The following KBTBD11 variants were observed in gnomAD, a reference collection of about 807,000 sequenced individuals.
The protein encoded by KBTBD11 is kelch repeat and BTB domain-containing protein 11.
For missense variants in KBTBD11, 1,390 were observed against 1,001.8 expected (o/e 1.39, Z -5.23); for synonymous variants, 747 against 499.0 (o/e 1.50, Z -6.63).
chr8:1,997,875 G>A lies in KBTBD11; in HGVS notation c.-908-2410G>A, dbSNP rs778467010. Among the ~76,000 whole-genome samples the A allele has an allele frequency of 2.6e-5, 4 of 152,234 alleles. No homozygotes were observed. The South Asian group carries it at 6.2e-4, about 24-fold the overall frequency. On this transcript the variant is annotated intron_variant, in intron 1 of 1. Transcript: ENST00000320248. ...GGGCACGCAGGGGGACGGCGGCAAC[G>A]ACAGAATACGATAGGGCCACCACCT...
chr8:1,974,662 C>A, intron 1 of KBTBD11: 1 of 985,400 alleles, frequency 1.0e-6, no homozygotes. Context: ...GCAGCCCCCG[C>A]CCCATGTGCT....
Position 2,002,659 on chromosome 8 carries a change from C to T in KBTBD11, c.1467C>T (p.Arg489=), listed in dbSNP as rs1355184955. The change falls in exon 2 of 2, where the codon CGC becomes CGT. Residue 489 remains arginine (R), a synonymous_variant. Transcript: ENST00000320248. This position sits in a 1 kb window ranked among gnomAD's most constrained non-coding sequence, Gnocchi z 4.1. ...EWQECPCSSS[R]ERSADMVALD... is the part of the protein sequence containing the mutation. ...AGGAGTGCCCGTGCAGCAGCAGCCGCGAGCGCTCGGCCGACATGGTGGCTC... is the reference window on the plus strand; with the variant it reads ...AGGAGTGCCCGTGCAGCAGCAGCCGTGAGCGCTCGGCCGACATGGTGGCTC... 5 of 1,574,310 alleles carry T rather than the reference C, an allele frequency of 3.2e-6. No homozygotes were observed. The Admixed American group carries it at 5.3e-5, about 17-fold the overall frequency.
At chr8:1,993,275 T>G (rs1816984501) in intron 1 of KBTBD11, among the ~76,000 whole-genome samples, 1 of 152,054 alleles carries the variant, frequency 6.6e-6, no homozygotes, top group African/African-American at 2.4e-5. Flanking sequence ...TATTTTCAGT[T>G]ACCATTGTTT....
chr8:1,996,122 G>A (rs938633512), intron 1 of KBTBD11, among the ~76,000 whole-genome samples: 4 of 152,180 alleles, frequency 2.6e-5, no homozygotes, highest in African/African-American at 9.7e-5. Flanking sequence ...TTAACCTTGC[G>A]ATTCATTGGC....
At chr8:1,985,449 T>C (rs1816678896) in intron 1 of KBTBD11, among the ~76,000 whole-genome samples, 1 of 152,270 alleles carries the variant, frequency 6.6e-6, no homozygotes, top group Admixed American at 6.5e-5. Flanking sequence ...GGGGAGATGC[T>C]CTTCCACAGC....
At position 2,002,127 on chromosome 8, in the gene KBTBD11, C is replaced by T; in HGVS notation, c.935C>T (p.Pro312Leu). Residue 312 changes from proline to leucine, a missense_variant, in exon 2 of 2, where the codon CCT becomes CTT. By Grantham distance (98) the Pro-to-Leu change is moderately conservative. Transcript: ENST00000320248. This position sits in a 1 kb window ranked among gnomAD's most constrained non-coding sequence, Gnocchi z 4.1. ...GCGGGGGAGCGCGCGGGCAGCCGGC[C>T]TCAGAGCCCCTCGGGGGACGCGGAC... ...GPAGERAGSR[P>L]QSPSGDADAR... is the part of the protein sequence containing the mutation. 4.4e-6 allele frequency: 5 copies of T among 1,131,622 alleles called. No homozygotes were observed. The highest frequency in any genetic ancestry group is 5.4e-6 in the Non-Finnish European group (5 of 926,430). 70.1% of individuals were successfully genotyped at this position (1,131,622 alleles called of 1,614,324 possible).
intron 1 of KBTBD11, chr8:1,975,178 C>G (rs1207819681): frequency 3.3e-5 from 5 of 152,260 alleles, no homozygotes; most frequent in Admixed American, 3.3e-4. Flanking sequence ...TTTATGGTAA[C>G]TGGCATTGCA....
Position 2,001,378 on chromosome 8 carries a change from C to A in KBTBD11, c.186C>A (p.Ala62=). The change falls in exon 2 of 2, where the codon GCC becomes GCA. Residue 62 remains alanine (A), a synonymous_variant. Transcript: ENST00000320248. ...TCGCCTCAGCGGCGGAAGGCGCGGC[C>A]ACCTCCCCGCCCTCCAGCGGTGGCC... ...QSLASAAEGA[A]TSPPSSGGPR... is the part of the protein sequence containing the mutation. 1 of 1,463,978 alleles carries A rather than the reference C, an allele frequency of 6.8e-7. No individual in the cohort carries two copies. Among genetic ancestry groups the A allele is most frequent in the Non-Finnish European group, 9.0e-7 (1 of 1,111,544 alleles). The allele number at this position is 1,463,978 out of a possible 1,614,324, so 90.7% of individuals were successfully genotyped here.
intron 1 of KBTBD11, among the ~76,000 whole-genome samples, chr8:1,979,265 C>G (rs957253311): frequency 1.3e-5 from 2 of 152,196 alleles, no homozygotes; most frequent in African/African-American, 4.8e-5. Context: ...TTGGACGAGG[C>G]CCACCCATAT....
At chr8:1,989,044 C>A (rs972724409) in intron 1 of KBTBD11, among the ~76,000 whole-genome samples, 4 of 152,124 alleles carry the variant, frequency 2.6e-5, no homozygotes, top group African/African-American at 9.7e-5. Flanking sequence ...CAAGTTGACC[C>A]AAACATTGCT....
In KBTBD11 at chr8:2,001,692, C is replaced by A; in HGVS notation, c.500C>A (p.Ala167Glu). Residue 167 changes from alanine (A) to glutamate (E), a missense_variant, in exon 2 of 2, where the codon GCG becomes GAG. Physicochemically the swap from Ala to Glu is moderately radical, Grantham distance 107. Coordinates refer to ENST00000320248, the MANE Select transcript of KBTBD11 (RefSeq NM_014867.3). ...VLAARSDYFR[A>E]RASRDVLRVQ... The stretch of plus-strand genomic sequence containing the variant: ...GCGGCGCGCAGCGACTACTTCCGCG[C>A]GCGCGCGTCGCGGGACGTGCTGCGG... 1 of 1,434,724 alleles carries A rather than the reference C, an allele frequency of 7.0e-7. No homozygotes were observed. 88.9% of individuals were successfully genotyped at this position (1,434,724 alleles called of 1,614,324 possible).
intron 1 of KBTBD11, among the ~76,000 whole-genome samples, chr8:1,981,267 A>G (rs1268046221): frequency 3.3e-5 from 5 of 152,232 alleles, no homozygotes; most frequent in Admixed American, 6.5e-5. Context: ...CCACCACCAG[A>G]CCTGTCTTAT....
Position 1,999,090 on chromosome 8 carries a change from A to G in KBTBD11, c.-908-1195A>G, listed in dbSNP as rs74690731. 5.3e-5 allele frequency among the ~76,000 whole-genome samples: 8 copies of G among 152,330 alleles called. No homozygotes were observed. The South Asian group carries it at 1.7e-3, about 32-fold the overall frequency. On this transcript the variant is annotated intron_variant, in intron 1 of 1. Coordinates refer to ENST00000320248, the MANE Select transcript of KBTBD11 (RefSeq NM_014867.3). ...TAATATTACATTCCCCAGGCATCTTATGACAATTCTATGCACATAGGGAGT... is the reference window on the plus strand; with the variant it reads ...TAATATTACATTCCCCAGGCATCTTGTGACAATTCTATGCACATAGGGAGT...
intron 1 of KBTBD11, among the ~76,000 whole-genome samples, chr8:1,992,309 T>C (rs1215632157): frequency 6.6e-6 from 1 of 152,114 alleles, no homozygotes; most frequent in East Asian, 1.9e-4. Context: ...GCACAGTTCC[T>C]GCACACAGTA....
chr8:2,004,931 G>A lies in KBTBD11; in HGVS notation c.*1867G>A, dbSNP rs1479288021. ...ATGGTAGAAATTTTTATATGAAATGGGACCAGGACCAGGCTAATATTTTCA... is the reference window on the plus strand; with the variant it reads ...ATGGTAGAAATTTTTATATGAAATGAGACCAGGACCAGGCTAATATTTTCA... On this transcript the variant is annotated 3_prime_UTR_variant, in exon 2 of 2. Coordinates refer to ENST00000320248, the MANE Select transcript of KBTBD11 (RefSeq NM_014867.3). The A allele has an allele frequency of 6.0e-6, 1 of 166,990 alleles. No homozygotes were observed. Among genetic ancestry groups the A allele is most frequent in the South Asian group, 2.1e-4 (1 of 4,830 alleles). The allele number at this position is 166,990 out of a possible 1,614,324, so 10.3% of individuals were successfully genotyped here.
At chr8:1,980,449 T>C (rs1816502611) in intron 1 of KBTBD11, among the ~76,000 whole-genome samples, 1 of 152,156 alleles carries the variant, frequency 6.6e-6, no homozygotes, top group Admixed American at 6.5e-5. Context: ...ATGGTCCCAA[T>C]CTCTTGACCT....
At chr8:1,998,433 T>C (rs1390490204) in intron 1 of KBTBD11, among the ~76,000 whole-genome samples, 2 of 152,250 alleles carry the variant, frequency 1.3e-5, no homozygotes, top group Admixed American at 1.3e-4. Context: ...CATAGGACTT[T>C]GCAGGGCAGA....
At chr8:1,990,239 T>C (rs1816862359) in intron 1 of KBTBD11, among the ~76,000 whole-genome samples, 1 of 142,872 alleles carries the variant, frequency 7.0e-6, no homozygotes, top group African/African-American at 2.6e-5. Flanking sequence ...TGGTGCCCTG[T>C]CTGGGTAGAT....
chr8:1,993,380 TCC>T, intron 1 of KBTBD11, among the ~76,000 whole-genome samples: 1 of 132,314 alleles, frequency 7.6e-6, no homozygotes, highest in African/African-American at 2.7e-5. Context: ...CGTCCGTCCG[TCC>T]GTCCGTCCGT....
Sources: gnomAD v4.1 joint callset for allele counts (sites outside exome capture counted in the v4.1 genomes callset) on GRCh38, gnomAD v4.1.1 for gene constraint, Gnocchi (gnomAD v3.1) non-coding constraint, MANE v1.5 for transcripts, NCBI Gene and HGNC (gene_info 2026-07-23, HGNC 2026-07-21) for gene names.